The following GRHL3 variants were observed in gnomAD, a reference collection of about 807,000 sequenced individuals.
The protein encoded by GRHL3 is grainyhead like transcription factor 3.
A neutral mutation model predicts 70.3 loss-of-function variants in GRHL3; 20 were observed. That is an observed-to-expected ratio of 0.28 (90% confidence interval 0.20 to 0.41). The LOEUF (loss-of-function observed/expected upper bound fraction) is 0.41. GRHL3 is among the 10% of genes least tolerant of loss of function. The probability of loss-of-function intolerance (pLI) is 1.00; values close to 1 mark genes in which losing one functional copy is unlikely to be tolerated. For synonymous variants in GRHL3, 299 were observed against 299.9 expected, an observed-to-expected ratio of 1.00 and a Z score of 0.03; for missense variants, 637 against 762.3, an observed-to-expected ratio of 0.84 and a Z score of 1.94.
intron 1 of GRHL3, among the ~76,000 whole-genome samples, chr1:24,323,984 C>T (rs922322071): frequency 6.6e-6 from 1 of 152,140 alleles, no homozygotes; most frequent in African/African-American, 2.4e-5. Context: ...CTTTTTTGTC[C>T]TCAGCACCCA....
intron 8 of GRHL3, among the ~76,000 whole-genome samples, chr1:24,341,551 A>G (rs1458142949): frequency 1.3e-5 from 2 of 152,164 alleles, no homozygotes; most frequent in African/African-American, 2.4e-5. Flanking sequence ...TGGGGTGACT[A>G]GGATGCTCCC....
intron 12 of GRHL3, 135 bp downstream of exon 12, chr1:24,345,066 C>A: frequency 1.9e-6 from 1 of 520,726 alleles, no homozygotes; most frequent in Non-Finnish European, 3.6e-6. Flanking sequence ...TGCCCCTCCA[C>A]ACCTGTGCCC....
At chr1:24,346,922 C>G (rs1003551001) in intron 13 of GRHL3, among the ~76,000 whole-genome samples, 1 of 152,144 alleles carries the variant, frequency 6.6e-6, no homozygotes, top group Non-Finnish European at 1.5e-5. Flanking sequence ...CGAGTCCCCC[C>G]TCTCCCACTT....
At chr1:24,345,538 G>A (rs1363060004) in intron 12 of GRHL3, among the ~76,000 whole-genome samples, 7 of 151,072 alleles carry the variant, frequency 4.6e-5, no homozygotes, top group Non-Finnish European at 7.4e-5. Flanking sequence ...CGAGACACCC[G>A]CTTGTAAAAA....
intron 15 of GRHL3, among the ~76,000 whole-genome samples, chr1:24,352,235 T>C (rs1033161757): frequency 1.3e-5 from 2 of 152,194 alleles, no homozygotes; most frequent in African/African-American, 4.8e-5. Context: ...CTCTGAGTCC[T>C]CATGTGAGAA....
At chr1:24,343,969 C>T (rs146457224) in intron 11 of GRHL3, among the ~76,000 whole-genome samples, 55 of 152,316 alleles carry the variant, frequency 3.6e-4, no homozygotes, top group African/African-American at 1.2e-3. Context: ...TTGGGAGCTG[C>T]GCTGTGGCCC....
intron 3 of GRHL3, among the ~76,000 whole-genome samples, chr1:24,335,702 C>T (rs1378124103): frequency 6.6e-6 from 1 of 152,036 alleles, no homozygotes; most frequent in Non-Finnish European, 1.5e-5. Flanking sequence ...TCTGCCTCAG[C>T]CTCCCGAGCA....
chr1:24,337,889 AG>A, intron 6 of GRHL3, 100 bp downstream of exon 6: 2 of 1,569,780 alleles, frequency 1.3e-6, no homozygotes, highest in Non-Finnish European at 1.7e-6. Flanking sequence ...GTTTGATAAT[AG>A]CCCATTGCCA....
In GRHL3 at chr1:24,321,958, C is replaced by G. The variant is rs1256501437; in HGVS notation, c.17+2390C>G. 6.6e-6 allele frequency: 1 copy of G among 152,120 alleles called. No individual in the cohort carries two copies. Among genetic ancestry groups the G allele is most frequent in the Non-Finnish European group, 1.5e-5 (1 of 67,998 alleles). The allele number at this position is 152,120 out of a possible 1,614,324, so 9.4% of individuals were successfully genotyped here. A position where few individuals can be genotyped will look rare whatever the true frequency, so the allele number is the denominator to read the frequency against. On this transcript the variant is annotated intron_variant, in intron 1 of 15. Transcript: ENST00000361548. The surrounding 1 kb of genome is among the most constrained non-coding windows in gnomAD (Gnocchi z 4.0). ...GGCCGAGGGCGCCGGAAGTCGCCGC[C>G]GACCGCCTGGGTCTCGCAGGAAAAC...
intron 15 of GRHL3, chr1:24,364,123 G>A: frequency 4.8e-6 from 7 of 1,466,148 alleles, no homozygotes; most frequent in South Asian, 4.3e-5. Flanking sequence ...TTCCTTCTGT[G>A]AGAAACACCA....
At chr1:24,335,014 A>AACACACACAC (rs35646472) in intron 3 of GRHL3, among the ~76,000 whole-genome samples, 235 of 137,032 alleles carry the variant, frequency 1.7e-3, no homozygotes, top group African/African-American at 4.9e-3. Flanking sequence ...TCAGCTTGAA[A>AACACACACAC]ACACACACAC....
chr1:24,360,746 C>A (rs1345903354), intron 15 of GRHL3: 6 of 1,018,512 alleles, frequency 5.9e-6, no homozygotes, highest in East Asian at 4.9e-5. Context: ...ATCCCTGTAA[C>A]CTATTTGGGA....
chr1:24,327,708 C>T (rs1265708111), intron 1 of GRHL3, among the ~76,000 whole-genome samples: 1 of 152,214 alleles, frequency 6.6e-6, no homozygotes, highest in East Asian at 1.9e-4. Context: ...TGGGAGTCCC[C>T]TGGTTTCCCT....
In GRHL3 at chr1:24,355,291, A is replaced by C. The variant is rs1640674555; in HGVS notation, c.*803A>C. ...ATACTCACGTGGTATTTAGTAATAA[A>C]AATCTATCTATGTATTACGTCACAT... On this transcript the variant is annotated 3_prime_UTR_variant, in exon 16 of 16. Coordinates refer to ENST00000361548, the MANE Select transcript of GRHL3 (RefSeq NM_198173.3). 6.6e-6 allele frequency: 1 copy of C among 152,584 alleles called. No individual in the cohort carries two copies. The highest frequency in any genetic ancestry group is 1.5e-5 in the Non-Finnish European group (1 of 68,034). 9.5% of individuals were successfully genotyped at this position (152,584 alleles called of 1,614,324 possible).
intron 15 of GRHL3, among the ~76,000 whole-genome samples, chr1:24,362,745 G>A: frequency 6.6e-6 from 1 of 152,198 alleles, no homozygotes; most frequent in East Asian, 1.9e-4. Flanking sequence ...CACCCCCCTG[G>A]TCAGAGAGGA....
intron 5 of GRHL3, 54 bp from the exon 6 acceptor site, chr1:24,337,582 G>A (rs1344538513): frequency 2.5e-6 from 4 of 1,597,806 alleles, no homozygotes; most frequent in Non-Finnish European, 3.4e-6. Context: ...CTGCCCTCTA[G>A]GAGACTTCCT....
At chr1:24,337,539 A>G (rs1639869527) in intron 5 of GRHL3, 97 bp from the exon 6 acceptor site, 2 of 1,287,332 alleles carry the variant, frequency 1.6e-6, no homozygotes. Flanking sequence ...TCAAACAGCA[A>G]GTCTGTAACA....
intron 15 of GRHL3, among the ~76,000 whole-genome samples, chr1:24,363,710 G>T (rs915945022): frequency 6.6e-6 from 1 of 152,182 alleles, no homozygotes; most frequent in Non-Finnish European, 1.5e-5. Flanking sequence ...CAGAGAGAAA[G>T]AGACAGAGAC....
At chr1:24,359,207 C>G (rs555466387), downstream of GRHL3, among the ~76,000 whole-genome samples, 1 of 152,194 alleles carries the variant, frequency 6.6e-6, no homozygotes, top group Non-Finnish European at 1.5e-5. This position sits in a 1 kb window ranked among gnomAD's most constrained non-coding sequence, Gnocchi z 5.3. Context: ...GGCACGTGCA[C>G]GTGCCCAGGA....
Sources: gnomAD v4.1 joint callset for allele counts (sites outside exome capture counted in the v4.1 genomes callset) on GRCh38, gnomAD v4.1.1 for gene constraint, Gnocchi (gnomAD v3.1) non-coding constraint, MANE v1.5 for transcripts, NCBI Gene and HGNC (gene_info 2026-07-23, HGNC 2026-07-21) for gene names.